The following MMP15 variants were observed in gnomAD, a reference collection of about 807,000 sequenced individuals.
MMP15 encodes the protein matrix metallopeptidase 15, also known as matrix metalloproteinase-15.
MMP15 carries 36 observed loss-of-function variants against 65.0 expected under a neutral mutation model. The ratio of observed to expected loss-of-function variants is 0.55; its 90% confidence interval spans 0.42 to 0.73. The LOEUF (loss-of-function observed/expected upper bound fraction) is 0.73. Ranked by LOEUF, MMP15 falls within the 30% of genes least tolerant of loss-of-function variation. MMP15 has a pLI of 0.00. For synonymous variants in MMP15, 428 were observed against 410.2 expected (o/e 1.04, Z -0.52); for missense variants, 870 against 987.8 (o/e 0.88, Z 1.60).
Position 58,041,764 on chromosome 16 carries a change from C to G in MMP15, c.1058C>G (p.Pro353Arg), listed in dbSNP as rs749334814. ...GAGCGGCCCCCAAAGCCGGGCCCCC[C>G]AGTCCAGCCCCGAGCCACAGAGCGG... ...KPERPPKPGP[P>R]VQPRATERPD... is the part of the protein sequence containing the mutation. The change falls in exon 6 of 10, where the codon CCA becomes CGA. Residue 353 changes from proline (P) to arginine (R), a missense_variant. Coordinates refer to ENST00000219271, the MANE Select transcript of MMP15 (RefSeq NM_002428.4). 7.5e-6 allele frequency: 12 copies of G among 1,606,470 alleles called. No homozygotes were observed. The South Asian group carries it at 1.1e-4, about 15-fold the overall frequency.
chr16:58,030,432 G>A (rs1392270321), intron 1 of MMP15, among the ~76,000 whole-genome samples: 1 of 152,220 alleles, frequency 6.6e-6, no homozygotes, highest in Non-Finnish European at 1.5e-5. Flanking sequence ...GGCAAAGAGG[G>A]ATGCCTCTTC....
chr16:58,035,492 G>A (rs1959312519), intron 1 of MMP15, among the ~76,000 whole-genome samples: 1 of 152,228 alleles, frequency 6.6e-6, no homozygotes, highest in Non-Finnish European at 1.5e-5. Flanking sequence ...CAGGCCTCTG[G>A]TCTCTGTCAT....
Position 58,042,236 on chromosome 16 carries a change from C to T in MMP15, c.1170C>T (p.Arg390=), listed in dbSNP as rs1230815831. 1 of 1,613,512 alleles carries T rather than the reference C, an allele frequency of 6.2e-7. No homozygotes were observed. Among genetic ancestry groups the T allele is most frequent in the African/African-American group, 1.3e-5 (1 of 74,944 alleles). ...LRGEMFVFKG[R]WFWRVRHNRV... ...TCACACTATGCCCTCCCCAGGGCCG[C>T]TGGTTCTGGCGAGTCCGGCACAACC... The change falls in exon 7 of 10, where the codon CGC becomes CGT. Residue 390 remains arginine, a synonymous_variant. Coordinates refer to ENST00000219271, the MANE Select transcript of MMP15 (RefSeq NM_002428.4).
At position 58,040,124 on chromosome 16, in the gene MMP15, C is replaced by T. The variant is rs777909528; in HGVS notation, c.690C>T (p.Gly230=). 130 of 1,613,646 alleles carry T rather than the reference C, an allele frequency of 8.1e-5. 2 individuals carry two copies. In the South Asian group the frequency reaches 1.3e-3, roughly 16 times the overall value. ...AHAYFPGPGL[G]GDTHFDADEP... ...CCTATTTCCCTGGCCCCGGCCTAGGCGGGGACACCCATTTTGACGCAGATG... is the reference window on the plus strand; with the variant it reads ...CCTATTTCCCTGGCCCCGGCCTAGGTGGGGACACCCATTTTGACGCAGATG... The change falls in exon 4 of 10, where the codon GGC becomes GGT. Residue 230 remains glycine, a synonymous_variant. Coordinates refer to ENST00000219271, the MANE Select transcript of MMP15 (RefSeq NM_002428.4).
chr16:58,031,853 CTTTTTTTTTTTTTTTTTTT>C (rs749779284), intron 1 of MMP15, among the ~76,000 whole-genome samples: 12 of 57,710 alleles, frequency 2.1e-4, no homozygotes, highest in African/African-American at 9.9e-4. Context: ...TCGATGCCGC[CTTTTTTTTTTTTTTTTTTT>C]TTTTTTTTTT....
At chr16:58,031,957 T>C (rs993783772) in intron 1 of MMP15, among the ~76,000 whole-genome samples, 1 of 127,008 alleles carries the variant, frequency 7.9e-6, no homozygotes, top group Non-Finnish European at 1.6e-5. Context: ...AACCTCCGCC[T>C]CCCAGGTTCA....
rs752357009 is a variant in MMP15, at chr16:58,038,161, G to C, written c.312-105G>C. ...AGTCCCCCATCCCCACTGTGTCATA[G>C]GAGGGGCGGCTGGGAAGCCCGGAAG... On this transcript the variant is annotated intron_variant, in intron 2 of 9. Transcript: ENST00000219271. The C allele has an allele frequency of 2.2e-4, 323 of 1,472,624 alleles. 2 individuals are homozygous for C. Among genetic ancestry groups the C allele is most frequent in the Non-Finnish European group, 2.7e-4 (287 of 1,076,728 alleles). 91.2% of individuals were successfully genotyped at this position (1,472,624 alleles called of 1,614,324 possible).
chr16:58,043,223 G>C lies in MMP15; in HGVS notation c.1317G>C (p.Trp439Cys). ...CCCCTCCTGTAGGTGACCGCTACTG[G>C]CTCTTTCGAGAAGCGAACCTGGAGC... ...RFVFFKGDRY[W>C]LFREANLEPG... The change falls in exon 8 of 10, where the codon TGG (tryptophan) becomes TGC (cysteine). Residue 439 changes from tryptophan (W) to cysteine (C), a missense_variant. Trp to Cys is a radical substitution (Grantham distance 215). Transcript: ENST00000219271. 6.3e-7 allele frequency: 1 copy of C among 1,597,862 alleles called. No homozygotes were observed. The highest frequency in any genetic ancestry group is 1.1e-5 in the South Asian group (1 of 88,784).
chr16:58,041,641 C>A lies in MMP15; in HGVS notation c.935C>A (p.Pro312His). 6.3e-7 allele frequency: 1 copy of A among 1,574,822 alleles called. No homozygotes were observed. Among genetic ancestry groups the A allele is most frequent in the Non-Finnish European group, 8.6e-7 (1 of 1,161,510 alleles). The change falls in exon 6 of 10, where the codon CCT becomes CAT. Residue 312 changes from proline to histidine, a missense_variant. Pro to His is a moderately conservative substitution (Grantham distance 77). Transcript: ENST00000219271. ...LYGTPDGQPQ[P>H]TQPLPTVTPR... is the part of the protein sequence containing the mutation. Reference sequence around the variant, plus strand: ...GGTACCCCAGACGGTCAGCCACAGCCTACCCAGCCTCTCCCCACTGTGACG... The same window carrying A: ...GGTACCCCAGACGGTCAGCCACAGCATACCCAGCCTCTCCCCACTGTGACG...
At chr16:58,042,425 C>T (rs537813130) in intron 7 of MMP15, 56 bp downstream of exon 7, 3 of 1,590,180 alleles carry the variant, frequency 1.9e-6, no homozygotes, top group South Asian at 1.1e-5. Flanking sequence ...ACCTCTGACC[C>T]TGCTGGATCT....
Position 58,038,282 on chromosome 16 carries a change from C to A in MMP15, c.328C>A (p.Arg110Ser), listed in dbSNP as rs766546091. ...ATGTCCCAGGTGGATGAAGCGGCCC[C>A]GCTGTGGGGTGCCAGACCAGTTCGG... ...EETKEWMKRP[R>S]CGVPDQFGVR... Residue 110 changes from arginine (R) to serine (S), a missense_variant, in exon 3 of 10, where the codon CGC (arginine) becomes AGC (serine). Physicochemically the swap from Arg to Ser is moderately radical, Grantham distance 110. Coordinates refer to ENST00000219271, the MANE Select transcript of MMP15 (RefSeq NM_002428.4). 1 of 1,613,960 alleles carries A rather than the reference C, an allele frequency of 6.2e-7. No individual in the cohort carries two copies. The highest frequency in any genetic ancestry group is 1.7e-5 in the Admixed American group (1 of 60,018).
chr16:58,041,879 C>T lies in MMP15; in HGVS notation c.1164+9C>T. On this transcript the variant is annotated intron_variant, in intron 6 of 9. Coordinates refer to ENST00000219271, the MANE Select transcript of MMP15 (RefSeq NM_002428.4). ...AGATGTTCGTGTTCAAGGTCTGGCC[C>T]CGCCTCCCATGCCTGGCCCTGAGCC... 6.4e-7 allele frequency: 1 copy of T among 1,571,512 alleles called. No individual in the cohort carries two copies. Among genetic ancestry groups the T allele is most frequent in the Non-Finnish European group, 8.6e-7 (1 of 1,159,016 alleles).
chr16:58,027,190 G>A (rs1392331718), intron 1 of MMP15, among the ~76,000 whole-genome samples: 2 of 152,188 alleles, frequency 1.3e-5, no homozygotes, highest in Non-Finnish European at 2.9e-5. Flanking sequence ...TCCCAACAGC[G>A]CCCCTACGTC....
chr16:58,040,956 C>T, intron 5 of MMP15: 1 of 571,278 alleles, frequency 1.8e-6, no homozygotes, highest in South Asian at 1.9e-5. Flanking sequence ...TTCTTCATGA[C>T]CCTCCTCTCC....
At position 58,045,692 on chromosome 16, in the gene MMP15, C is replaced by G; in HGVS notation, c.*246C>G. 1.9e-6 allele frequency: 1 copy of G among 516,336 alleles called. No individual in the cohort carries two copies. Among genetic ancestry groups the G allele is most frequent in the Non-Finnish European group, 3.4e-6 (1 of 294,930 alleles). The allele number at this position is 516,336 out of a possible 1,614,324, so 32.0% of individuals were successfully genotyped here. On this transcript the variant is annotated 3_prime_UTR_variant, in exon 10 of 10. Coordinates refer to ENST00000219271, the MANE Select transcript of MMP15 (RefSeq NM_002428.4). ...TTTCTAAATGTAGTTCTGCTCCAGA[C>G]AGGGAATTAGGCCCCCATCATCCTC...
At position 58,045,564 on chromosome 16, in the gene MMP15, C is replaced by G; in HGVS notation, c.*118C>G. 1.3e-6 allele frequency: 1 copy of G among 779,004 alleles called. No individual in the cohort carries two copies. Among genetic ancestry groups the G allele is most frequent in the Non-Finnish European group, 2.0e-6 (1 of 503,224 alleles). 48.3% of individuals were successfully genotyped at this position (779,004 alleles called of 1,614,324 possible). On this transcript the variant is annotated 3_prime_UTR_variant, in exon 10 of 10. Transcript: ENST00000219271. The stretch of plus-strand genomic sequence containing the variant: ...CTCAGCCCTCACACACCCTGTCTGC[C>G]CCGCCCTCATTATTTATGTCCAGGT...
Position 58,040,064 on chromosome 16 carries a change from G to A in MMP15, c.630G>A (p.Ser210=), listed in dbSNP as rs767041681. Residue 210 remains serine, a synonymous_variant, in exon 4 of 10, where the codon TCG becomes TCA. Coordinates refer to ENST00000219271, the MANE Select transcript of MMP15 (RefSeq NM_002428.4). ...LFASGFHGDS[S]PFDGTGGFLA... is the part of the protein sequence containing the mutation. ...CCTCTGGCTTCCACGGCGACAGCTC[G>A]CCGTTTGATGGCACCGGTGGCTTTC... 8.7e-6 allele frequency: 14 copies of A among 1,613,996 alleles called. No homozygotes were observed. Among genetic ancestry groups the A allele is most frequent in the African/African-American group, 2.7e-5 (2 of 74,952 alleles).
intron 8 of MMP15, 34 bp from the exon 9 acceptor site, chr16:58,043,478 C>T: frequency 1.9e-6 from 3 of 1,609,344 alleles, no homozygotes; most frequent in Non-Finnish European, 2.5e-6. Flanking sequence ...CAAGCAGGAT[C>T]TCTAGGTCCA....
At chr16:58,044,858 G>GCA in intron 9 of MMP15, 149 bp from the exon 10 acceptor site, 1 of 893,120 alleles carries the variant, frequency 1.1e-6, no homozygotes, top group Non-Finnish European at 1.7e-6. Context: ...TCTGGCTCCT[G>GCA]CAAGTTGAGA....
Sources: gnomAD v4.1 joint callset for allele counts (sites outside exome capture counted in the v4.1 genomes callset) on GRCh38, gnomAD v4.1.1 for gene constraint, MANE v1.5 for transcripts, NCBI Gene and HGNC (gene_info 2026-07-23, HGNC 2026-07-21) for gene names.